TENM2: variants seen among roughly 807,000 people sequenced by gnomAD.
TENM2 encodes teneurin-2.
A neutral mutation model predicts 245.2 loss-of-function variants in TENM2; 52 were observed. The ratio of observed to expected loss-of-function variants is 0.21; its 90% CI spans 0.17 to 0.27. The LOEUF (loss-of-function observed/expected upper bound fraction) is 0.27. TENM2 is among the 10% of genes least tolerant of loss of function. The probability of loss-of-function intolerance (pLI) is 1.00; values close to 1 mark genes in which losing one functional copy is unlikely to be tolerated. For synonymous variants in TENM2, 1,363 were observed against 1,438.9 expected, an observed-to-expected ratio of 0.95 and a Z score of 1.19; for missense variants, 3,046 against 3,666.8, an observed-to-expected ratio of 0.83 and a Z score of 4.37.
At chr5:167,843,163 C>T (rs1769707264) in intron 2 of TENM2, among the ~76,000 whole-genome samples, 1 of 152,158 alleles carries the variant, frequency 6.6e-6, no homozygotes, top group South Asian at 2.1e-4. Context: ...AGAGTGACTG[C>T]ATCAGTAGTG....
intron 22 of TENM2, 35 bp downstream of exon 24, chr5:168,216,957 C>A: frequency 6.2e-7 from 1 of 1,609,218 alleles, no homozygotes; most frequent in Non-Finnish European, 8.5e-7. Context: ...CACTAAGCAA[C>A]ACCTGCCCCT....
intron 2 of TENM2, among the ~76,000 whole-genome samples, chr5:167,854,149 A>G (rs79623681): frequency 0.015 from 2,258 of 152,346 alleles, 54 homozygotes; most frequent in African/African-American, 0.052. Flanking sequence ...AAGATGCTGT[A>G]TTAATATTTC....
At chr5:168,257,877 G>C (rs916713637) in intron 27 of TENM2, among the ~76,000 whole-genome samples, 1 of 152,158 alleles carries the variant, frequency 6.6e-6, no homozygotes, top group Non-Finnish European at 1.5e-5. Context: ...GCCTCCCAAA[G>C]TGTTGGAATT....
intron 2 of TENM2, among the ~76,000 whole-genome samples, chr5:167,870,554 C>CATATATAGATATATATATATAT (rs1772716354): frequency 7.8e-6 from 1 of 128,392 alleles, no homozygotes; most frequent in African/African-American, 2.9e-5. Context: ...AATGTGTATA[C>CATATATAGATATATATATATAT]ATATATATAT....
At chr5:167,529,433 A>C (rs1771346801) in intron 2 of TENM2, among the ~76,000 whole-genome samples, 1 of 152,214 alleles carries the variant, frequency 6.6e-6, no homozygotes, top group African/African-American at 2.4e-5. Flanking sequence ...TGTTGCTATA[A>C]CTAGAATCCA....
chr5:167,245,513 TC>T, the TENM2 span, among the ~76,000 whole-genome samples: 728 of 148,344 alleles, frequency 4.9e-3, 2 homozygotes, highest in South Asian at 9.6e-3. Context: ...CTTTTCTTTT[TC>T]TTTTTTTTAA....
intron 2 of TENM2, among the ~76,000 whole-genome samples, chr5:167,439,814 A>G (rs1764780941): frequency 6.6e-6 from 1 of 152,220 alleles, no homozygotes; most frequent in Non-Finnish European, 1.5e-5. Context: ...ACCACTTTGA[A>G]AGTCATGAAG....
intron 21 of TENM2, among the ~76,000 whole-genome samples, chr5:168,216,017 AT>A (rs1436270759): frequency 1.3e-5 from 2 of 152,238 alleles, no homozygotes; most frequent in East Asian, 3.9e-4. Flanking sequence ...CTGGGAACCC[AT>A]GGGTCTCTAT....
intron 2 of TENM2, among the ~76,000 whole-genome samples, chr5:167,376,296 G>A (rs1040880094): frequency 6.6e-6 from 1 of 152,236 alleles, no homozygotes; most frequent in Admixed American, 6.5e-5. Flanking sequence ...GATTTAAGAC[G>A]AAAACATCAA....
chr5:167,875,326 A>G (rs1773328341), intron 2 of TENM2, among the ~76,000 whole-genome samples: 1 of 152,142 alleles, frequency 6.6e-6, no homozygotes, highest in Non-Finnish European at 1.5e-5. Flanking sequence ...CTGAAGGTGG[A>G]ATGGCTTGGT....
chr5:167,041,890 A>T, the TENM2 span, among the ~76,000 whole-genome samples: 1 of 152,090 alleles, frequency 6.6e-6, no homozygotes, highest in Non-Finnish European at 1.5e-5. Flanking sequence ...GCCCAAAAGG[A>T]TGACTGGATT....
At chr5:167,896,235 A>G (rs777311399) in intron 3 of TENM2, among the ~76,000 whole-genome samples, 1 of 152,202 alleles carries the variant, frequency 6.6e-6, no homozygotes, top group Non-Finnish European at 1.5e-5. Flanking sequence ...GGAGGATTTT[A>G]GGAAATGCCA....
At chr5:167,055,896 T>G in the TENM2 span, among the ~76,000 whole-genome samples, 1 of 152,042 alleles carries the variant, frequency 6.6e-6, no homozygotes, top group Admixed American at 6.6e-5. Context: ...TGTATACCGC[T>G]TCTTTTCTTT....
intron 3 of TENM2, among the ~76,000 whole-genome samples, chr5:167,903,159 C>T (rs1775839489): frequency 6.6e-6 from 1 of 152,024 alleles, no homozygotes; most frequent in African/African-American, 2.4e-5. Flanking sequence ...TAAAAGATGC[C>T]TTCATGCAAG....
At chr5:168,038,268 C>T (rs988978640) in intron 5 of TENM2, among the ~76,000 whole-genome samples, 9 of 152,188 alleles carry the variant, frequency 5.9e-5, no homozygotes, top group Non-Finnish European at 1.3e-4. Flanking sequence ...CCATGATCAC[C>T]ATTGTTACAA....
chr5:167,595,757 GT>G, intron 2 of TENM2, among the ~76,000 whole-genome samples: 1 of 152,276 alleles, frequency 6.6e-6, no homozygotes, highest in South Asian at 2.1e-4. Flanking sequence ...TCTAGGGTTG[GT>G]AAGAGTATTT....
chr5:167,323,352 G>GA (rs1196405791), intron 1 of TENM2, among the ~76,000 whole-genome samples: 8 of 152,082 alleles, frequency 5.3e-5, no homozygotes, highest in Non-Finnish European at 5.9e-5. Context: ...AGGTTAAGCT[G>GA]AAAAATAAAA....
intron 23 of TENM2, 58 bp from the exon 26 acceptor site, chr5:168,226,030 T>A (rs1217038230): frequency 6.6e-7 from 1 of 1,510,374 alleles, no homozygotes; most frequent in Non-Finnish European, 9.0e-7. Context: ...TTGGGAACAC[T>A]GTCAGCCCCA....
At chr5:167,901,178 CTCTTTCTCTT>C (rs1248101323) in intron 3 of TENM2, among the ~76,000 whole-genome samples, 3 of 151,822 alleles carry the variant, frequency 2.0e-5, no homozygotes, top group Admixed American at 6.5e-5. Flanking sequence ...ACTTCCTTTT[CTCTTTCTCTT>C]TCTTTCTCTT....
Sources: allele counts gnomAD v4.1 joint callset (sites outside exome capture counted in the v4.1 genomes callset), GRCh38; gene constraint gnomAD v4.1.1; transcripts MANE v1.5; gene names NCBI Gene and HGNC (gene_info 2026-07-23, HGNC 2026-07-21).